The following CDC7 variants were observed in gnomAD, a reference collection of about 807,000 sequenced individuals.
CDC7 encodes cell division cycle 7-related protein kinase.
CDC7 carries 34 observed loss-of-function variants against 53.5 expected under a neutral mutation model. The observed-to-expected ratio is 0.64, with a 90% CI of 0.48 to 0.85. The LOEUF is 0.85. Ranked by LOEUF, CDC7 falls within the 40% of genes least tolerant of loss-of-function variation. CDC7 has a pLI of 0.00. For synonymous variants in CDC7, 211 were observed against 222.8 expected, an observed-to-expected ratio of 0.95 and a Z score of 0.47; for missense variants, 594 against 679.7, an observed-to-expected ratio of 0.87 and a Z score of 1.40.
At chr1:91,513,029 A>G (rs754911396) in intron 6 of CDC7, 29 bp from the exon 7 acceptor site, 1 of 1,602,032 alleles carries the variant, frequency 6.2e-7, no homozygotes, top group South Asian at 1.1e-5. Context: ...TGCTACAGAT[A>G]AGTAAAAATG....
intron 10 of CDC7, 41 bp downstream of exon 10, chr1:91,515,917 T>C (rs1667535181): frequency 1.4e-6 from 2 of 1,439,074 alleles, no homozygotes; most frequent in Non-Finnish European, 9.8e-7. Flanking sequence ...TAAAATGGAT[T>C]GTTCCAGACG....
At chr1:91,521,871 TA>T (rs34177853) in intron 11 of CDC7, among the ~76,000 whole-genome samples, 7 of 149,618 alleles carry the variant, frequency 4.7e-5, no homozygotes, top group Non-Finnish European at 5.9e-5. Context: ...CTTCTCATAT[TA>T]AAAAAAAAAT....
intron 2 of CDC7, among the ~76,000 whole-genome samples, chr1:91,507,239 G>A (rs1667040521): frequency 6.6e-6 from 1 of 152,140 alleles, no homozygotes; most frequent in Non-Finnish European, 1.5e-5. Flanking sequence ...ACTGGGTTTT[G>A]TATTATTGCC....
At chr1:91,509,220 T>G (rs1667140013) in intron 4 of CDC7, among the ~76,000 whole-genome samples, 1 of 152,170 alleles carries the variant, frequency 6.6e-6, no homozygotes, top group Non-Finnish European at 1.5e-5. Context: ...TTCCACATGA[T>G]CTAAAGTAAT....
At chr1:91,511,319 C>G (rs965507063) in intron 4 of CDC7, among the ~76,000 whole-genome samples, 1 of 152,032 alleles carries the variant, frequency 6.6e-6, no homozygotes, top group Admixed American at 6.6e-5. Flanking sequence ...TCTTATTAAT[C>G]TTTTCCCTTT....
rs752439011 is a variant in CDC7 at position 91,511,581 on chromosome 1, T to C, written c.336-16T>C. Reference sequence around the variant, plus strand: ...TGACCTTTCTTCTAAAAGTTCCTTGTGCATTTTTCCACTAGGGGGCAAGAT... The same window carrying C: ...TGACCTTTCTTCTAAAAGTTCCTTGCGCATTTTTCCACTAGGGGGCAAGAT... On this transcript the variant is annotated splice_polypyrimidine_tract_variant and intron_variant, in intron 4 of 11. Transcript: ENST00000234626. The C allele has an allele frequency of 6.6e-7, 1 of 1,522,244 alleles. No individual in the cohort carries two copies. The highest frequency in any genetic ancestry group is 9.0e-7 in the Non-Finnish European group (1 of 1,108,238). 94.3% of individuals were successfully genotyped at this position (1,522,244 alleles called of 1,614,324 possible).
At chr1:91,517,502 G>C (rs180973249) in intron 10 of CDC7, among the ~76,000 whole-genome samples, 1 of 152,300 alleles carries the variant, frequency 6.6e-6, no homozygotes, top group East Asian at 1.9e-4. Flanking sequence ...TAAAGGAGAA[G>C]TAACTGGTTT....
rs185516031 is a variant in CDC7 at position 91,514,125 on chromosome 1, T to G, written c.918+82T>G. 9.5e-6 allele frequency: 8 copies of G among 842,026 alleles called. No individual in the cohort carries two copies. In the Admixed American group the frequency reaches 1.7e-4, roughly 18 times the overall value. 52.2% of individuals were successfully genotyped at this position (842,026 alleles called of 1,614,324 possible). A position where few individuals can be genotyped will look rare whatever the true frequency, so the allele number is the denominator to read the frequency against. On this transcript the variant is annotated intron_variant, in intron 8 of 11. Coordinates refer to ENST00000234626, the MANE Select transcript of CDC7 (RefSeq NM_003503.4). ...TAGGTAATAACTAGATTAACATTTATTATCAGAAATTTTTTTAAACTAGAG... is the reference window on the plus strand; with the variant it reads ...TAGGTAATAACTAGATTAACATTTAGTATCAGAAATTTTTTTAAACTAGAG...
At chr1:91,511,963 CTT>C in intron 6 of CDC7, 40 bp downstream of exon 6, 2 of 1,448,904 alleles carry the variant, frequency 1.4e-6, no homozygotes, top group Non-Finnish European at 1.9e-6. Context: ...TATCCTATTT[CTT>C]TTAAAAAACA....
In CDC7 at chr1:91,501,637, T is replaced by G. The variant is rs1167832121; in HGVS notation, c.-63-17T>G. 1 of 970,442 alleles carries G rather than the reference T, an allele frequency of 1.0e-6. No individual in the cohort carries two copies. Among genetic ancestry groups the G allele is most frequent in the Non-Finnish European group, 1.6e-6 (1 of 610,596 alleles). 60.1% of individuals were successfully genotyped at this position (970,442 alleles called of 1,614,324 possible). On this transcript the variant is annotated splice_polypyrimidine_tract_variant and intron_variant, in intron 1 of 11. Coordinates refer to ENST00000234626, the MANE Select transcript of CDC7 (RefSeq NM_003503.4). The stretch of plus-strand genomic sequence containing the variant: ...TAGCGAGTGATCTAAATTTCTCTAG[T>G]GTTCTAATTTTCACAGCTGCTTTGC...
intron 11 of CDC7, among the ~76,000 whole-genome samples, chr1:91,523,751 T>C (rs1218363220): frequency 6.6e-6 from 1 of 152,104 alleles, no homozygotes; most frequent in Admixed American, 6.5e-5. Flanking sequence ...AAGGGTAAGA[T>C]GAAGCTTGAG....
In CDC7 at chr1:91,513,293, G is replaced by C; in HGVS notation, c.808G>C (p.Gly270Arg). The part of the protein sequence containing the change: ...YTNAQIQIKQ[G>R]KDGKEGSVGL... Reference sequence around the variant, plus strand: ...AAATGCACAAATTCAGATTAAACAAGGAAAAGACGGAAAGGTTCTATCTCT... The same window carrying C: ...AAATGCACAAATTCAGATTAAACAACGAAAAGACGGAAAGGTTCTATCTCT... Residue 270 changes from glycine (G) to arginine (R), a missense_variant, in exon 7 of 12, where the codon GGA becomes CGA. Transcript: ENST00000234626. The C allele has an allele frequency of 6.2e-7, 1 of 1,612,646 alleles. No individual in the cohort carries two copies. Among genetic ancestry groups the C allele is most frequent in the Non-Finnish European group, 8.5e-7 (1 of 1,179,174 alleles).
intron 2 of CDC7, among the ~76,000 whole-genome samples, chr1:91,502,870 C>A (rs1666774422): frequency 6.6e-6 from 1 of 152,138 alleles, no homozygotes; most frequent in Non-Finnish European, 1.5e-5. Flanking sequence ...TCTTAAAATG[C>A]CACTTTCATC....
chr1:91,513,364 A>G (rs1667388817), intron 7 of CDC7, 57 bp downstream of exon 7: 9 of 1,508,358 alleles, frequency 6.0e-6, no homozygotes, highest in Non-Finnish European at 8.2e-6. Context: ...TACTCCTTCA[A>G]CCAACAGAGG....
At chr1:91,501,866 A>G (rs994773910) in intron 2 of CDC7, 35 bp downstream of exon 2, 37 of 1,433,038 alleles carry the variant, frequency 2.6e-5, no homozygotes, top group Non-Finnish European at 3.4e-5. Flanking sequence ...ACAGTTATAA[A>G]GATTTTTCAG....
In CDC7 at chr1:91,508,414, T is replaced by C. The variant is rs368792952; in HGVS notation, c.335+17T>C. The C allele has an allele frequency of 6.3e-7, 1 of 1,591,022 alleles. No individual in the cohort carries two copies. Among genetic ancestry groups the C allele is most frequent in the East Asian group, 2.2e-5 (1 of 44,554 alleles). On this transcript the variant is annotated intron_variant, in intron 4 of 11. Coordinates refer to ENST00000234626, the MANE Select transcript of CDC7 (RefSeq NM_003503.4). The stretch of plus-strand genomic sequence containing the variant: ...AGTGGCTGGGTAGGCAATTTAAACA[T>C]ATTTTAATTGAACTTGTATATAATT...
intron 2 of CDC7, among the ~76,000 whole-genome samples, chr1:91,505,164 ACGGCAAG>A (rs1557586070): frequency 3.9e-5 from 6 of 152,004 alleles, no homozygotes; most frequent in African/African-American, 1.5e-4. Context: ...AACAGAGGAA[ACGGCAAG>A]TACAAAGACC....
intron 7 of CDC7, 91 bp from the exon 8 acceptor site, chr1:91,513,857 A>T: frequency 1.1e-6 from 1 of 884,004 alleles, no homozygotes; most frequent in Non-Finnish European, 1.8e-6. Context: ...GTTTCATCTC[A>T]CTTAACTCTT....
At chr1:91,516,455 C>T (rs191868158) in intron 10 of CDC7, among the ~76,000 whole-genome samples, 1 of 152,270 alleles carries the variant, frequency 6.6e-6, no homozygotes, top group East Asian at 1.9e-4. Flanking sequence ...CTGCTATTCA[C>T]TTGGATTATG....
Sources: gnomAD v4.1 joint callset for allele counts (sites outside exome capture counted in the v4.1 genomes callset) on GRCh38, gnomAD v4.1.1 for gene constraint, MANE v1.5 for transcripts, NCBI Gene and HGNC (gene_info 2026-07-23, HGNC 2026-07-21) for gene names.